Variants in DNAJC1 observed in about 807,000 individuals in gnomAD.
DNAJC1 encodes dnaJ homolog subfamily C member 1.
A neutral mutation model predicts 76.6 loss-of-function variants in DNAJC1; 58 were observed. That is an observed-to-expected ratio of 0.76 (90% CI 0.61 to 0.94). The LOEUF (loss-of-function observed/expected upper bound fraction) is 0.94. Among genes scored for constraint, DNAJC1 ranks in the 40% least tolerant of loss-of-function variants. The pLI is 0.00. For missense variants in DNAJC1, 689 were observed against 677.3 expected (o/e 1.02, Z -0.19); for synonymous variants, 258 against 267.9 (o/e 0.96, Z 0.36).
At chr10:21,837,706 T>C in intron 8 of DNAJC1, among the ~76,000 whole-genome samples, 1 of 149,338 alleles carries the variant, frequency 6.7e-6, no homozygotes, top group South Asian at 2.1e-4. Context: ...GAGGAGCCCC[T>C]CTGCCTGGCA....
At chr10:21,882,470 A>G (rs749763111) in intron 7 of DNAJC1, 31 bp from the exon 8 acceptor site, 2 of 1,328,052 alleles carry the variant, frequency 1.5e-6, no homozygotes, top group Non-Finnish European at 2.0e-6. Flanking sequence ...CCAATTATTG[A>G]GATTTTTAAA....
chr10:21,861,556 T>C (rs2131698840), intron 8 of DNAJC1, among the ~76,000 whole-genome samples: 1 of 152,226 alleles, frequency 6.6e-6, no homozygotes, highest in East Asian at 1.9e-4. Flanking sequence ...AGTTAAGGCA[T>C]TCTAAGTCAC....
chr10:21,806,012 T>A lies in DNAJC1; in HGVS notation c.1066A>T (p.Ile356Phe). Residue 356 changes from isoleucine to phenylalanine, a missense_variant, in exon 9 of 12, where the codon ATT becomes TTT. Physicochemically the swap from Ile to Phe is conservative, Grantham distance 21. Transcript: ENST00000376980. ...ACAGATCGACCCAATTCGTGGGCAATCTTTTCCCATCGACCTGGAGTCCCT... is the reference window on the plus strand; with the variant it reads ...ACAGATCGACCCAATTCGTGGGCAAACTTTTCCCATCGACCTGGAGTCCCT... ...PGGTPGRWEK[I>F]AHELGRSVTD... The A allele has an allele frequency of 6.2e-7, 1 of 1,611,686 alleles. No homozygotes were observed. Among genetic ancestry groups the A allele is most frequent in the Non-Finnish European group, 8.5e-7 (1 of 1,179,620 alleles).
At chr10:21,776,610 C>T (rs1190426696) in intron 9 of DNAJC1, among the ~76,000 whole-genome samples, 1 of 151,790 alleles carries the variant, frequency 6.6e-6, no homozygotes, top group Non-Finnish European at 1.5e-5. Flanking sequence ...CCCTTCTCCT[C>T]CTAAATAAGC....
At position 21,832,808 on chromosome 10, in the gene DNAJC1, T is replaced by A. The variant is rs577068874; in HGVS notation, c.979-26709A>T. Reference sequence around the variant, plus strand: ...GGACAACATCACTTCACCTTCTGTATGATTTAAACACTCTAACCTCTCATT... The same window carrying A: ...GGACAACATCACTTCACCTTCTGTAAGATTTAAACACTCTAACCTCTCATT... On this transcript the variant is annotated intron_variant, in intron 8 of 11. Coordinates refer to ENST00000376980, the MANE Select transcript of DNAJC1 (RefSeq NM_022365.4). Among the ~76,000 whole-genome samples, 5 of 152,352 alleles carry A rather than the reference T, an allele frequency of 3.3e-5. No homozygotes were observed. In the South Asian group the frequency reaches 1.0e-3, roughly 32 times the overall value.
chr10:21,827,639 T>C lies in DNAJC1; in HGVS notation c.979-21540A>G, dbSNP rs114795716. ...CGTCATCATATGGCCTTTTTCCTTGTGGATGCTTCTGTGTGACTTCTCTTT... is the reference window on the plus strand; with the variant it reads ...CGTCATCATATGGCCTTTTTCCTTGCGGATGCTTCTGTGTGACTTCTCTTT... On this transcript the variant is annotated intron_variant, in intron 8 of 11. Coordinates refer to ENST00000376980, the MANE Select transcript of DNAJC1 (RefSeq NM_022365.4). 1.4e-3 allele frequency among the ~76,000 whole-genome samples: 210 copies of C among 152,338 alleles called. 1 individual carries two copies. Among genetic ancestry groups the C allele is most frequent in the African/African-American group, 3.6e-3 (151 of 41,580 alleles).
At chr10:21,890,421 CAAA>C (rs1007952107) in intron 7 of DNAJC1, among the ~76,000 whole-genome samples, 8 of 52,676 alleles carry the variant, frequency 1.5e-4, no homozygotes, top group African/African-American at 1.9e-4. Context: ...TCCCCCCCTA[CAAA>C]AAAAAAAAAA....
intron 7 of DNAJC1, among the ~76,000 whole-genome samples, chr10:21,896,028 G>A (rs377231325): frequency 2.0e-5 from 3 of 152,016 alleles, no homozygotes; most frequent in South Asian, 2.1e-4. Context: ...CACAGAGTAC[G>A]TGAGTTGTGG....
At chr10:21,840,131 T>C (rs970504384) in intron 8 of DNAJC1, among the ~76,000 whole-genome samples, 3 of 152,180 alleles carry the variant, frequency 2.0e-5, no homozygotes, top group South Asian at 2.1e-4. Context: ...TATGACAAAC[T>C]CACAGCCAAT....
At chr10:21,936,055 C>T (rs554614869) in intron 1 of DNAJC1, among the ~76,000 whole-genome samples, 2 of 152,168 alleles carry the variant, frequency 1.3e-5, no homozygotes, top group Non-Finnish European at 2.9e-5. Flanking sequence ...TGAATGTTTG[C>T]ATCCCTCCAA....
chr10:21,868,696 G>C (rs185446603), intron 8 of DNAJC1, among the ~76,000 whole-genome samples: 1 of 151,996 alleles, frequency 6.6e-6, no homozygotes, highest in Non-Finnish European at 1.5e-5. Context: ...GGTGAGTAGG[G>C]GATAGGTATG....
At chr10:21,936,329 T>C (rs1005242183) in intron 1 of DNAJC1, among the ~76,000 whole-genome samples, 2 of 152,172 alleles carry the variant, frequency 1.3e-5, no homozygotes, top group Admixed American at 6.5e-5. Flanking sequence ...TGTTTATAAA[T>C]TACCCAGCAT....
At chr10:21,845,352 A>T (rs1042484849) in intron 8 of DNAJC1, among the ~76,000 whole-genome samples, 1 of 128,622 alleles carries the variant, frequency 7.8e-6, no homozygotes, top group Non-Finnish European at 1.7e-5. Flanking sequence ...CATAAAAATT[A>T]GAACTTTTTT....
intron 1 of DNAJC1, among the ~76,000 whole-genome samples, chr10:21,955,496 T>C (rs1837664002): frequency 6.6e-6 from 1 of 152,132 alleles, no homozygotes; most frequent in African/African-American, 2.4e-5. Context: ...TTACTTTACA[T>C]ATTTCTGTAT....
chr10:21,985,248 CTTTTTTTT>C (rs1190568148), intron 1 of DNAJC1, among the ~76,000 whole-genome samples: 2 of 136,104 alleles, frequency 1.5e-5, no homozygotes, highest in African/African-American at 2.7e-5. Flanking sequence ...CACTACCCTG[CTTTTTTTT>C]TTTTTTTTTT....
intron 9 of DNAJC1, among the ~76,000 whole-genome samples, chr10:21,782,809 T>A (rs1834550124): frequency 6.6e-6 from 1 of 152,222 alleles, no homozygotes; most frequent in Non-Finnish European, 1.5e-5. Flanking sequence ...ACCACATGAT[T>A]ATCTCAATAG....
rs534432392 is a variant in DNAJC1 at position 21,982,465 on chromosome 10, C to T, written c.222+20748G>A. Among the ~76,000 whole-genome samples the T allele has an allele frequency of 7.3e-4, 111 of 152,014 alleles. 1 individual carries two copies. The highest frequency in any genetic ancestry group is 2.7e-3 in the African/African-American group (110 of 41,472). On this transcript the variant is annotated intron_variant, in intron 1 of 11. Transcript: ENST00000376980. ...CACTAGTAAGAGAGTAAATAAACAA[C>T]CCACAGAATGGGAGAAAATATTTGC... is the stretch of plus-strand genomic sequence containing the variant.
chr10:22,002,734 G>C (rs908300601), intron 1 of DNAJC1, among the ~76,000 whole-genome samples: 1 of 152,118 alleles, frequency 6.6e-6, no homozygotes, highest in Admixed American at 6.5e-5. Context: ...GGAAGAGGAG[G>C]GGAGGCAGCT....
intron 7 of DNAJC1, among the ~76,000 whole-genome samples, chr10:21,897,504 A>T (rs1836562650): frequency 6.6e-6 from 1 of 152,184 alleles, no homozygotes; most frequent in South Asian, 2.1e-4. Context: ...TAGGAACCAG[A>T]CCGCCTAGCA....
Sources: allele counts gnomAD v4.1 joint callset (sites outside exome capture counted in the v4.1 genomes callset), GRCh38; gene constraint gnomAD v4.1.1; transcripts MANE v1.5; gene names NCBI Gene and HGNC (gene_info 2026-07-23, HGNC 2026-07-21).